Variants in COMMD1 observed in about 807,000 individuals in gnomAD.
COMMD1 encodes the protein copper metabolism domain containing 1.
Under a neutral mutation model 17.2 loss-of-function variants are expected in COMMD1, and 10 were observed. The observed-to-expected ratio is 0.58, with a 90% CI of 0.36 to 0.99. COMMD1 has a LOEUF of 0.99. COMMD1 is among the 50% of genes least tolerant of loss of function. The pLI is 0.01. For synonymous variants in COMMD1, 97 were observed against 91.6 expected, an observed-to-expected ratio of 1.06 and a Z score of -0.34; for missense variants, 270 against 231.8, an observed-to-expected ratio of 1.17 and a Z score of -1.07.
At chr2:61,934,494 G>A (rs777569198) in intron 1 of COMMD1, among the ~76,000 whole-genome samples, 8 of 152,064 alleles carry the variant, frequency 5.3e-5, no homozygotes, top group Admixed American at 1.3e-4. Context: ...AGGCAGAGGC[G>A]AGAAGATCAC....
chr2:62,095,095 T>C (rs1671963562), intron 2 of COMMD1, among the ~76,000 whole-genome samples: 1 of 152,260 alleles, frequency 6.6e-6, no homozygotes, highest in African/African-American at 2.4e-5. Flanking sequence ...AAAGGAGTTT[T>C]GCTTCTTCTG....
chr2:62,087,037 T>A (rs977589873), intron 2 of COMMD1, among the ~76,000 whole-genome samples: 1 of 152,058 alleles, frequency 6.6e-6, no homozygotes, highest in African/African-American at 2.4e-5. Flanking sequence ...TAGGCCAGGC[T>A]GGTCTCAAAC....
chr2:62,121,422 A>G (rs1241293289), intron 2 of COMMD1, among the ~76,000 whole-genome samples: 1 of 151,186 alleles, frequency 6.6e-6, no homozygotes, highest in Non-Finnish European at 1.5e-5. Context: ...GAAAAGTTGT[A>G]AAATGAACTA....
At chr2:62,109,465 G>A (rs368396444) in intron 2 of COMMD1, among the ~76,000 whole-genome samples, 12 of 152,266 alleles carry the variant, frequency 7.9e-5, no homozygotes, top group African/African-American at 2.4e-4. Flanking sequence ...TATAGTTAGC[G>A]TTTGTCCAAT....
At chr2:62,026,754 C>T (rs1226580506) in intron 2 of COMMD1, among the ~76,000 whole-genome samples, 3 of 152,176 alleles carry the variant, frequency 2.0e-5, no homozygotes, top group African/African-American at 4.8e-5. Flanking sequence ...AGTAATCAGC[C>T]ATGTCTCCCC....
At chr2:61,898,432 C>T (rs539298733) in intron 1 of COMMD1, among the ~76,000 whole-genome samples, 9 of 152,234 alleles carry the variant, frequency 5.9e-5, no homozygotes, top group African/African-American at 1.4e-4. Flanking sequence ...GCTGGGATCA[C>T]GCCACTGCAC....
intron 1 of COMMD1, among the ~76,000 whole-genome samples, chr2:61,952,071 A>G (rs575984831): frequency 3.1e-4 from 47 of 152,336 alleles, no homozygotes; most frequent in African/African-American, 1.1e-3. Flanking sequence ...TTGTGACGGT[A>G]AAAGAAGTTT....
rs11310507 is a variant in COMMD1, at chr2:62,002,491, GAAAAAAAAAAAAAAAAAA to G, written c.462+1525_462+1542del. Among the ~76,000 whole-genome samples, 5 of 35,086 alleles carry G rather than the reference GAAAAAAAAAAAAAAAAAA, an allele frequency of 1.4e-4. No individual in the cohort carries two copies. In the East Asian group the frequency reaches 3.7e-3, roughly 26 times the overall value. The allele number at this position is 35,086 out of a possible 152,430, so 23.0% of individuals were successfully genotyped here. On this transcript the variant is annotated intron_variant, in intron 2 of 2. Coordinates refer to ENST00000311832, the MANE Select transcript of COMMD1 (RefSeq NM_152516.4). ...GGGTGACAAGAGCGAGATTCCACCA[GAAAAAAAAAAAAAAAAAA>G]AAAAAAAAAAAAAAAGATAATTCAT...
chr2:62,041,777 G>A (rs1339900422), intron 2 of COMMD1, among the ~76,000 whole-genome samples: 1 of 152,150 alleles, frequency 6.6e-6, no homozygotes, highest in East Asian at 1.9e-4. Context: ...TCCTTCAGAT[G>A]TTCAGATGTG....
At chr2:61,941,215 A>T (rs1421249522) in intron 1 of COMMD1, among the ~76,000 whole-genome samples, 2 of 151,588 alleles carry the variant, frequency 1.3e-5, no homozygotes, top group African/African-American at 4.9e-5. Flanking sequence ...TTCAGTAGAG[A>T]TGGGGTTTCA....
intron 2 of COMMD1, among the ~76,000 whole-genome samples, chr2:62,067,812 T>A (rs1415601863): frequency 1.3e-5 from 2 of 152,144 alleles, no homozygotes; most frequent in African/African-American, 4.8e-5. Context: ...TAGAGAGAGA[T>A]CAGAGACCTT....
intron 2 of COMMD1, among the ~76,000 whole-genome samples, chr2:62,051,990 C>T (rs1670549350): frequency 6.6e-6 from 1 of 152,170 alleles, no homozygotes; most frequent in Admixed American, 6.5e-5. Context: ...TCCTCATCTC[C>T]TTTCTCAGAG....
chr2:61,922,426 T>G (rs1670223114), intron 1 of COMMD1, among the ~76,000 whole-genome samples: 1 of 152,182 alleles, frequency 6.6e-6, no homozygotes, highest in Non-Finnish European at 1.5e-5. Context: ...CAAGCAATTC[T>G]CCTGCCTCAG....
intron 1 of COMMD1, among the ~76,000 whole-genome samples, chr2:61,913,366 C>CCAAA (rs1669960219): frequency 2.6e-4 from 11 of 41,892 alleles, no homozygotes; most frequent in South Asian, 8.1e-4. Flanking sequence ...GACTCCATCT[C>CCAAA]AAAAAAAAAA....
chr2:62,015,695 GTT>G (rs1175789686), intron 2 of COMMD1, among the ~76,000 whole-genome samples: 8 of 127,222 alleles, frequency 6.3e-5, no homozygotes, highest in African/African-American at 2.3e-4. Context: ...TAGTTTCTGG[GTT>G]TTTTTTTTTT....
intron 1 of COMMD1, among the ~76,000 whole-genome samples, chr2:61,930,134 A>G (rs1197783158): frequency 6.6e-6 from 1 of 152,168 alleles, no homozygotes; most frequent in East Asian, 1.9e-4. Context: ...GGGGGAAGCC[A>G]GCTGACTGCC....
rs992252269 is a variant in COMMD1 at position 61,965,394 on chromosome 2, C to G, written c.181-35307C>G. ...TTGGATTAACAGTGTGATCTGTCTG[C>G]TAGGCCCAGATACCAAATAGGACCT... On this transcript the variant is annotated intron_variant, in intron 1 of 2. Coordinates refer to ENST00000311832, the MANE Select transcript of COMMD1 (RefSeq NM_152516.4). Among the ~76,000 whole-genome samples, 4 of 152,278 alleles carry G rather than the reference C, an allele frequency of 2.6e-5. No homozygotes were observed. The East Asian group carries it at 7.7e-4, about 29-fold the overall frequency.
chr2:62,057,147 A>T (rs1243880307), intron 2 of COMMD1, among the ~76,000 whole-genome samples: 1 of 152,194 alleles, frequency 6.6e-6, no homozygotes, highest in Non-Finnish European at 1.5e-5. Flanking sequence ...ATTATGCATT[A>T]TGGTGAGTTG....
chr2:62,124,254 G>T (rs986826927), intron 2 of COMMD1, among the ~76,000 whole-genome samples: 1 of 152,128 alleles, frequency 6.6e-6, no homozygotes, highest in African/African-American at 2.4e-5. Context: ...AGCTGAGATC[G>T]TGCCACTGCA....
Sources: allele counts gnomAD v4.1 joint callset (sites outside exome capture counted in the v4.1 genomes callset), GRCh38; gene constraint gnomAD v4.1.1; transcripts MANE v1.5; gene names NCBI Gene and HGNC (gene_info 2026-07-23, HGNC 2026-07-21).